SUGCT: variants seen among roughly 807,000 people sequenced by gnomAD.
SUGCT encodes the protein succinyl-CoA:glutarate-CoA transferase, also known as succinyl-CoA:glutarate CoA-transferase.
Under a neutral mutation model 55.0 loss-of-function variants are expected in SUGCT, and 41 were observed. That is an observed-to-expected ratio of 0.74 (90% CI 0.58 to 0.97). SUGCT has a LOEUF of 0.97. SUGCT is among the 50% of genes least tolerant of loss of function. The pLI is 0.00. For missense variants in SUGCT, 568 were observed against 547.8 expected, an observed-to-expected ratio of 1.04 and a Z score of -0.37; for synonymous variants, 187 against 200.4, an observed-to-expected ratio of 0.93 and a Z score of 0.56.
chr7:40,611,821 A>T (rs546882357), intron 12 of SUGCT, among the ~76,000 whole-genome samples: 2 of 152,232 alleles, frequency 1.3e-5, no homozygotes, highest in East Asian at 3.8e-4. Flanking sequence ...AAACTGAGAC[A>T]TAGACAGGTT....
intron 9 of SUGCT, among the ~76,000 whole-genome samples, chr7:40,447,779 C>T (rs368176699): frequency 2.4e-4 from 36 of 151,872 alleles, no homozygotes; most frequent in African/African-American, 8.0e-4. Context: ...AGGAGTAAGT[C>T]CAGTCAAGGA....
At chr7:40,478,802 C>A (rs1258175923) in intron 11 of SUGCT, among the ~76,000 whole-genome samples, 1 of 151,974 alleles carries the variant, frequency 6.6e-6, no homozygotes, top group Non-Finnish European at 1.5e-5. Flanking sequence ...AACTTTGTAC[C>A]CCTTGAGCAA....
At chr7:40,191,600 G>A (rs2150739069) in intron 5 of SUGCT, among the ~76,000 whole-genome samples, 1 of 152,180 alleles carries the variant, frequency 6.6e-6, no homozygotes, top group African/African-American at 2.4e-5. Context: ...TTTGAAACTT[G>A]GTTTGATTTT....
At chr7:40,226,656 T>C (rs1316971006) in intron 6 of SUGCT, among the ~76,000 whole-genome samples, 1 of 152,102 alleles carries the variant, frequency 6.6e-6, no homozygotes, top group African/African-American at 2.4e-5. Flanking sequence ...TCTAGTTTTG[T>C]TATTGCTTGG....
At chr7:40,630,400 C>A (rs769989716) in intron 12 of SUGCT, among the ~76,000 whole-genome samples, 1 of 152,136 alleles carries the variant, frequency 6.6e-6, no homozygotes, top group Non-Finnish European at 1.5e-5. Flanking sequence ...TGCTCACAGT[C>A]GCCTGACCCA....
At chr7:40,361,371 G>T (rs6977384) in intron 9 of SUGCT, among the ~76,000 whole-genome samples, 24,648 of 151,862 alleles carry the variant, frequency 0.16, 2,202 homozygotes, top group Admixed American at 0.25. Context: ...TCAGGAGATC[G>T]AGACCATCCT....
chr7:40,996,895 G>A, the SUGCT span, among the ~76,000 whole-genome samples: 21 of 152,186 alleles, frequency 1.4e-4, no homozygotes, highest in South Asian at 3.7e-3. Context: ...AGATGAATGG[G>A]GATTTACAAA....
chr7:40,679,271 T>C (rs62451217), intron 12 of SUGCT, among the ~76,000 whole-genome samples: 14,099 of 152,204 alleles, frequency 0.093, 876 homozygotes, highest in East Asian at 0.26. Context: ...TGAAGATAGC[T>C]GAAAGCTATC....
chr7:40,959,144 T>C, the SUGCT span, among the ~76,000 whole-genome samples: 2 of 152,070 alleles, frequency 1.3e-5, no homozygotes, highest in African/African-American at 4.8e-5. Context: ...GGCACAGGGG[T>C]CAGGGATCCA....
intron 12 of SUGCT, among the ~76,000 whole-genome samples, chr7:40,618,627 T>C (rs945851220): frequency 6.6e-5 from 10 of 152,230 alleles, no homozygotes; most frequent in African/African-American, 1.9e-4. Flanking sequence ...TTAGGGACTG[T>C]CAGAAGTAAT....
chr7:40,283,559 G>A (rs1446927120), intron 8 of SUGCT, among the ~76,000 whole-genome samples: 3 of 151,962 alleles, frequency 2.0e-5, no homozygotes, highest in Non-Finnish European at 4.4e-5. Flanking sequence ...CATACAAGTG[G>A]CCAACAAGTA....
intron 8 of SUGCT, among the ~76,000 whole-genome samples, chr7:40,294,154 G>A (rs1793972410): frequency 6.6e-6 from 1 of 152,020 alleles, no homozygotes; most frequent in Non-Finnish European, 1.5e-5. Context: ...CACCATGCTG[G>A]CCAGGCTGGT....
At chr7:40,950,692 T>A in the SUGCT span, among the ~76,000 whole-genome samples, 1 of 152,214 alleles carries the variant, frequency 6.6e-6, no homozygotes, top group African/African-American at 2.4e-5. Context: ...GTCAAAGGCC[T>A]TTTCTGTATC....
chr7:40,913,280 A>G, the SUGCT span, among the ~76,000 whole-genome samples: 1 of 152,244 alleles, frequency 6.6e-6, no homozygotes, highest in South Asian at 2.1e-4. Context: ...ACATGGAGAA[A>G]CGCCATCACA....
chr7:40,416,028 T>C (rs1049130506), intron 9 of SUGCT, among the ~76,000 whole-genome samples: 4 of 152,084 alleles, frequency 2.6e-5, no homozygotes, highest in African/African-American at 7.2e-5. Flanking sequence ...TAAGTATACT[T>C]TGAAGCATAT....
chr7:40,257,752 G>C (rs1269458050), intron 7 of SUGCT, among the ~76,000 whole-genome samples: 4 of 151,988 alleles, frequency 2.6e-5, no homozygotes, highest in African/African-American at 9.7e-5. Flanking sequence ...GTGGATGCTT[G>C]TAATCCTGCT....
intron 12 of SUGCT, among the ~76,000 whole-genome samples, chr7:40,562,574 G>A (rs958023889): frequency 2.0e-5 from 3 of 152,138 alleles, no homozygotes; most frequent in Non-Finnish European, 4.4e-5. Context: ...ATGAGGGACA[G>A]AAATTGATCA....
chr7:40,729,501 G>C (rs916688399), intron 12 of SUGCT, among the ~76,000 whole-genome samples: 3 of 152,232 alleles, frequency 2.0e-5, no homozygotes, highest in Admixed American at 1.3e-4. Context: ...TAACATTGGA[G>C]ATGTGGTAGA....
chr7:40,639,053 T>G (rs1402914098), intron 12 of SUGCT, among the ~76,000 whole-genome samples: 1 of 152,196 alleles, frequency 6.6e-6, no homozygotes, highest in Non-Finnish European at 1.5e-5. Context: ...TGACTTGAAG[T>G]TTAGAGGATG....
Sources: gnomAD v4.1 joint callset for allele counts (sites outside exome capture counted in the v4.1 genomes callset) on GRCh38, gnomAD v4.1.1 for gene constraint, MANE v1.5 for transcripts, NCBI Gene and HGNC (gene_info 2026-07-23, HGNC 2026-07-21) for gene names.